LONP2: variants seen among roughly 807,000 people sequenced by gnomAD.
LONP2 encodes the protein lon protease homolog 2, peroxisomal.
Under a neutral mutation model 85.6 loss-of-function variants are expected in LONP2, and 60 were observed. That is an observed-to-expected ratio of 0.70 (90% CI 0.57 to 0.87). The LOEUF (loss-of-function observed/expected upper bound fraction) is 0.87. Among genes scored for constraint, LONP2 ranks in the 40% least tolerant of loss-of-function variants. LONP2 has a pLI of 0.00. For synonymous variants in LONP2, 395 were observed against 389.7 expected (o/e 1.01, Z -0.16); for missense variants, 860 against 1,063.5 (o/e 0.81, Z 2.66).
At chr16:48,333,597 G>A (rs563046280) in intron 11 of LONP2, among the ~76,000 whole-genome samples, 33 of 151,410 alleles carry the variant, frequency 2.2e-4, no homozygotes, top group South Asian at 8.3e-4. Flanking sequence ...GAGCCCAGGA[G>A]GTCAAGGCAG....
rs1338733501 is a variant in LONP2 at position 48,352,690 on chromosome 16, CCTT to C, written c.*892_*894del. On this transcript the variant is annotated 3_prime_UTR_variant, in exon 15 of 15. Transcript: ENST00000285737. ...AAGCCTACACATCCCAATAGAAGCC[CCTT>C]CTTATGCTGAGGGAAGCAGCCCTCA... 6.6e-6 allele frequency: 1 copy of C among 152,172 alleles called. No individual in the cohort carries two copies. The highest frequency in any genetic ancestry group is 2.4e-5 in the African/African-American group (1 of 41,418). The allele number at this position is 152,172 out of a possible 1,614,324, so 9.4% of individuals were successfully genotyped here.
chr16:48,292,717 C>T (rs1344061035), intron 8 of LONP2, among the ~76,000 whole-genome samples: 1 of 152,202 alleles, frequency 6.6e-6, no homozygotes, highest in Non-Finnish European at 1.5e-5. Flanking sequence ...AAAGCAAACA[C>T]CAAGCTGTAA....
intron 11 of LONP2, among the ~76,000 whole-genome samples, chr16:48,328,895 A>G (rs996111630): frequency 2.0e-5 from 3 of 151,908 alleles, no homozygotes; most frequent in Admixed American, 1.3e-4. Context: ...TCTCTCATCT[A>G]TACATATTAA....
chr16:48,319,656 C>T (rs934990071), intron 11 of LONP2, among the ~76,000 whole-genome samples: 4 of 152,102 alleles, frequency 2.6e-5, no homozygotes, highest in Non-Finnish European at 5.9e-5. Flanking sequence ...TGACAGCTGG[C>T]TTCTCCCAGA....
intron 10 of LONP2, among the ~76,000 whole-genome samples, chr16:48,300,130 T>C (rs1025887811): frequency 1.3e-5 from 2 of 152,228 alleles, no homozygotes; most frequent in Non-Finnish European, 2.9e-5. Context: ...AAAAACCAAA[T>C]ACATGGCAAA....
chr16:48,338,794 A>G (rs1013194511), intron 12 of LONP2, among the ~76,000 whole-genome samples: 2 of 151,894 alleles, frequency 1.3e-5, no homozygotes, highest in Admixed American at 6.6e-5. Context: ...TGTAGTCACA[A>G]CTACTTGGGA....
rs1016697651 is a variant in LONP2, at chr16:48,354,859, A to G, written c.*3057A>G. ...TTAGCTTTAGCTCAAAGGAACTCCA[A>G]CTTTTTATTATTTGCAACAGTTAGC... is the stretch of plus-strand genomic sequence containing the variant. On this transcript the variant is annotated 3_prime_UTR_variant, in exon 15 of 15. Coordinates refer to ENST00000285737, the MANE Select transcript of LONP2 (RefSeq NM_031490.5). 6.7e-6 allele frequency: 1 copy of G among 150,296 alleles called. No homozygotes were observed. The highest frequency in any genetic ancestry group is 1.9e-4 in the East Asian group (1 of 5,184). The allele number at this position is 150,296 out of a possible 1,614,324, so 9.3% of individuals were successfully genotyped here.
chr16:48,301,402 A>G (rs769489285), intron 10 of LONP2, among the ~76,000 whole-genome samples: 69 of 152,256 alleles, frequency 4.5e-4, no homozygotes, highest in Non-Finnish European at 6.3e-4. Flanking sequence ...GTGCAGTGGC[A>G]TGATCTTGGC....
At chr16:48,258,144 G>A (rs888023098) in intron 3 of LONP2, among the ~76,000 whole-genome samples, 1 of 152,034 alleles carries the variant, frequency 6.6e-6, no homozygotes, top group Non-Finnish European at 1.5e-5. Context: ...TCAGGAGATC[G>A]AGACCATCCT....
chr16:48,270,357 A>T, intron 7 of LONP2, 83 bp downstream of exon 7: 6 of 1,444,978 alleles, frequency 4.2e-6, no homozygotes, highest in Non-Finnish European at 5.7e-6. Flanking sequence ...GGCATAGCAT[A>T]CATCTATTTT....
In LONP2 at chr16:48,261,497, A is replaced by G; in HGVS notation, c.797A>G (p.Asp266Gly). 2.5e-6 allele frequency: 4 copies of G among 1,608,848 alleles called. No homozygotes were observed. Among genetic ancestry groups the G allele is most frequent in the Non-Finnish European group, 3.4e-6 (4 of 1,177,130 alleles). Residue 266 changes from aspartate to glycine, a missense_variant, in exon 5 of 15, where the codon GAT (aspartate) becomes GGT (glycine). Asp to Gly is a moderately conservative substitution (Grantham distance 94). Transcript: ENST00000285737. ...TTAGAAGATGAAGATGAAGATGAAG[A>G]TAATGATGACATTGTCATGCTAGAG... is the stretch of plus-strand genomic sequence containing the variant. ...GTLEDEDEDEDNDDIVMLEKK... is the reference protein window; with the variant it reads ...GTLEDEDEDEGNDDIVMLEKK...
chr16:48,302,125 T>C (rs1972819827), intron 10 of LONP2, among the ~76,000 whole-genome samples: 1 of 152,238 alleles, frequency 6.6e-6, no homozygotes, highest in Non-Finnish European at 1.5e-5. Context: ...TCTCTTCCCT[T>C]TTTCAGTGAA....
chr16:48,261,761 C>G (rs575087966), intron 5 of LONP2, among the ~76,000 whole-genome samples, 174 bp downstream of exon 5: 29 of 151,852 alleles, frequency 1.9e-4, no homozygotes, highest in Admixed American at 1.3e-4. Flanking sequence ...TCTGAAAGAA[C>G]AGACCATGCT....
intron 1 of LONP2, among the ~76,000 whole-genome samples, chr16:48,247,140 G>A (rs538897665): frequency 1.3e-5 from 2 of 152,390 alleles, no homozygotes; most frequent in African/African-American, 4.8e-5. Context: ...AGCCTATGTG[G>A]AAAGATTGTA....
At position 48,334,298 on chromosome 16, in the gene LONP2, G is replaced by A. The variant is rs770385833; in HGVS notation, c.1878G>A (p.Pro626=). ...TTDLALPPEM[P]ILIDFHALKD... is the part of the protein sequence containing the mutation. Reference sequence around the variant, plus strand: ...ACTTGGCTCTACCACCTGAAATGCCGATTTTGATTGATTTCCATGCTCTGA... The same window carrying A: ...ACTTGGCTCTACCACCTGAAATGCCAATTTTGATTGATTTCCATGCTCTGA... Residue 626 remains proline (P), a synonymous_variant, in exon 12 of 15, where the codon CCG becomes CCA. Coordinates refer to ENST00000285737, the MANE Select transcript of LONP2 (RefSeq NM_031490.5). The A allele has an allele frequency of 2.0e-5, 33 of 1,614,084 alleles. 1 individual carries two copies. Among genetic ancestry groups the A allele is most frequent in the Middle Eastern group, 3.3e-4 (2 of 6,062 alleles).
intron 11 of LONP2, among the ~76,000 whole-genome samples, chr16:48,329,715 T>C (rs1331450194): frequency 1.3e-5 from 2 of 152,184 alleles, no homozygotes; most frequent in African/African-American, 4.8e-5. Context: ...CTGTGTGAAA[T>C]GTTATATCCT....
rs564499594 is a variant in LONP2, at chr16:48,356,342, C to T, written c.*4540C>T. The T allele has an allele frequency of 6.5e-6, 1 of 153,476 alleles. No homozygotes were observed. Among genetic ancestry groups the T allele is most frequent in the African/African-American group, 2.4e-5 (1 of 41,518 alleles). 9.5% of individuals were successfully genotyped at this position (153,476 alleles called of 1,614,324 possible). On this transcript the variant is annotated 3_prime_UTR_variant, in exon 15 of 15. Coordinates refer to ENST00000285737, the MANE Select transcript of LONP2 (RefSeq NM_031490.5). ...ACTATTACTAAGGGACATTTTGCTACAAAGAATGTTAGTTTTGCCAATTCC... is the reference window on the plus strand; with the variant it reads ...ACTATTACTAAGGGACATTTTGCTATAAAGAATGTTAGTTTTGCCAATTCC...
chr16:48,271,551 C>T (rs574331844), intron 7 of LONP2, among the ~76,000 whole-genome samples: 2 of 152,048 alleles, frequency 1.3e-5, no homozygotes, highest in East Asian at 1.9e-4. Flanking sequence ...TTTTTATTCT[C>T]TTTTATTTGC....
intron 11 of LONP2, among the ~76,000 whole-genome samples, chr16:48,318,320 A>G (rs895215692): frequency 6.6e-5 from 10 of 152,062 alleles, no homozygotes; most frequent in Non-Finnish European, 1.2e-4. Context: ...GGAGTTTGAG[A>G]CCAGCCTGGC....
Sources: allele counts gnomAD v4.1 joint callset (sites outside exome capture counted in the v4.1 genomes callset), GRCh38; gene constraint gnomAD v4.1.1; transcripts MANE v1.5; gene names NCBI Gene and HGNC (gene_info 2026-07-23, HGNC 2026-07-21).